RRM2: variants seen among roughly 807,000 people sequenced by gnomAD.
RRM2 encodes ribonucleotide reductase regulatory subunit M2.
Under a neutral mutation model 45.9 loss-of-function variants are expected in RRM2, and 6 were observed. The observed-to-expected ratio is 0.13, with a 90% CI of 0.07 to 0.26. The LOEUF is 0.26. Ranked by LOEUF, RRM2 falls within the 10% of genes least tolerant of loss-of-function variation. The pLI, the probability that RRM2 is intolerant of heterozygous loss-of-function variation, is 1.00. For synonymous variants in RRM2, 177 were observed against 173.0 expected (o/e 1.02, Z -0.18); for missense variants, 343 against 489.5 (o/e 0.70, Z 2.82).
At chr2:10,191,066 C>T (rs1572527717) in intron 3 of RRM2, among the ~76,000 whole-genome samples, 2 of 152,202 alleles carry the variant, frequency 1.3e-5, no homozygotes, top group African/African-American at 2.4e-5. Context: ...AAAGGCATGG[C>T]GAGATGAGCA....
At chr2:10,122,631 G>A (rs1253701628), upstream of RRM2, 1 of 1,539,422 alleles carries the variant, frequency 6.5e-7, no homozygotes, top group South Asian at 1.2e-5. Context: ...GGGAAGGGTC[G>A]GAGGCATGGC....
intron 5 of RRM2, chr2:10,126,622 C>T (rs1358604468): frequency 6.0e-6 from 3 of 502,750 alleles, no homozygotes; most frequent in Non-Finnish European, 1.1e-5. Flanking sequence ...GTCTGTAGAC[C>T]CTGAAGCTCA....
downstream of RRM2, among the ~76,000 whole-genome samples, chr2:10,134,250 A>G (rs1467174966): frequency 6.6e-6 from 1 of 152,018 alleles, no homozygotes; most frequent in Non-Finnish European, 1.5e-5. Context: ...GAACAAAGAA[A>G]GTGACCATGG....
Position 10,131,240 on chromosome 2 carries a change from C to T in RRM2, c.*1854C>T, listed in dbSNP as rs1295204849. On this transcript the variant is annotated 3_prime_UTR_variant, in exon 10 of 10. Coordinates refer to ENST00000304567, the MANE Select transcript of RRM2 (RefSeq NM_001034.4). ...TTTGTCTTGCATTGTGAGGTACAGGCGGAAGTTGGAATCAGGTTTTAGGAT... is the reference window on the plus strand; with the variant it reads ...TTTGTCTTGCATTGTGAGGTACAGGTGGAAGTTGGAATCAGGTTTTAGGAT... 2.0e-5 allele frequency: 3 copies of T among 152,074 alleles called. No individual in the cohort carries two copies. The highest frequency in any genetic ancestry group is 3.8e-4 in the East Asian group (2 of 5,196). The allele number at this position is 152,074 out of a possible 1,614,324, so 9.4% of individuals were successfully genotyped here.
chr2:10,174,880 A>AAG (rs1487918872), intron 3 of RRM2, among the ~76,000 whole-genome samples: 2 of 151,796 alleles, frequency 1.3e-5, no homozygotes, highest in Non-Finnish European at 2.9e-5. Flanking sequence ...TAAAAAAAAA[A>AAG]AAAGAAAAAA....
At position 10,205,042 on chromosome 2, in the gene RRM2, C is replaced by T. The variant is rs532313050; in HGVS notation, n.483-5269C>T. On this transcript the variant is annotated intron_variant and non_coding_transcript_variant, in intron 3 of 3. Transcript: ENST00000381786. This position sits in a 1 kb window ranked among gnomAD's most constrained non-coding sequence, Gnocchi z 4.8. ...ACAAGCAACCCCACGTGGTCTGCTT[C>T]GAATCCAGCAAACTTTTGTTTTCAG... 1.3e-5 allele frequency among the ~76,000 whole-genome samples: 2 copies of T among 152,322 alleles called. No homozygotes were observed. The highest frequency in any genetic ancestry group is 2.4e-5 in the African/African-American group (1 of 41,568).
chr2:10,142,442 T>C, intron 3 of RRM2: 1 of 1,345,392 alleles, frequency 7.4e-7, no homozygotes, highest in Non-Finnish European at 1.0e-6. Flanking sequence ...TTGCGGGGCC[T>C]GTCATCTGCT....
At chr2:10,201,097 C>T (rs191412505) in intron 3 of RRM2, among the ~76,000 whole-genome samples, 85 of 149,068 alleles carry the variant, frequency 5.7e-4, no homozygotes, top group African/African-American at 9.4e-4. Context: ...TGCAGTGAGC[C>T]GAGATTGCAC....
At chr2:10,148,104 A>G (rs1286793363) in intron 3 of RRM2, among the ~76,000 whole-genome samples, 2 of 145,866 alleles carry the variant, frequency 1.4e-5, no homozygotes, top group Non-Finnish European at 3.0e-5. Flanking sequence ...GGATCATGCC[A>G]CTGCACTCCA....
intron 3 of RRM2, among the ~76,000 whole-genome samples, chr2:10,181,312 G>A (rs1166118793): frequency 7.1e-6 from 1 of 140,670 alleles, no homozygotes; most frequent in Non-Finnish European, 1.5e-5. Flanking sequence ...CCTGCAGGAT[G>A]GTAGCAATTG....
intron 3 of RRM2, among the ~76,000 whole-genome samples, chr2:10,191,105 C>T (rs1453924800): frequency 1.3e-5 from 2 of 152,182 alleles, no homozygotes; most frequent in African/African-American, 4.8e-5. Context: ...TGGCATTGCC[C>T]TCTGAACTTT....
At position 10,185,606 on chromosome 2, in the gene RRM2, G is replaced by A. The variant is rs1664148255; in HGVS notation, n.483-24705G>A. On this transcript the variant is annotated intron_variant and non_coding_transcript_variant, in intron 3 of 3. Coordinates refer to the RRM2 transcript ENST00000381786. This position sits in a 1 kb window ranked among gnomAD's most constrained non-coding sequence, Gnocchi z 4.3. Reference sequence around the variant, plus strand: ...TAGCCATCGAATTCCATATGACTCTGTTCTCAAGTGTACTGGATACATTCT... The same window carrying A: ...TAGCCATCGAATTCCATATGACTCTATTCTCAAGTGTACTGGATACATTCT... Among the ~76,000 whole-genome samples the A allele has an allele frequency of 6.6e-6, 1 of 152,152 alleles. No homozygotes were observed. The highest frequency in any genetic ancestry group is 2.4e-5 in the African/African-American group (1 of 41,428).
chr2:10,186,252 A>T (rs899434938), intron 3 of RRM2, among the ~76,000 whole-genome samples: 2 of 151,782 alleles, frequency 1.3e-5, no homozygotes, highest in African/African-American at 4.8e-5. Flanking sequence ...TTCTGAGGCA[A>T]TTCTCCTGCC....
At chr2:10,210,458 T>C in exon 4 of RRM2, 4 of 1,367,806 alleles carry the variant, frequency 2.9e-6, no homozygotes, top group Non-Finnish European at 3.9e-6. Context: ...TGTTTCAGAA[T>C]GAAGTTATCT....
At chr2:10,192,554 G>A (rs1296622352) in intron 3 of RRM2, 2 of 154,662 alleles carry the variant, frequency 1.3e-5, no homozygotes. Context: ...GCAGTCTCAG[G>A]TAGCCCAAGC....
Position 10,127,361 on chromosome 2 carries a change from C to CAAA in RRM2, c.798+143_798+145dup. ...TGAGTTCAACCATACACATACTTGA[C>CAAA]AAAAGAAGGAAATACTTTCATTTAC... On this transcript the variant is annotated intron_variant, in intron 7 of 9. Coordinates refer to ENST00000304567, the MANE Select transcript of RRM2 (RefSeq NM_001034.4). This position sits in a 1 kb window ranked among gnomAD's most constrained non-coding sequence, Gnocchi z 4.1. 1.3e-6 allele frequency: 1 copy of CAAA among 777,420 alleles called. No homozygotes were observed. Among genetic ancestry groups the CAAA allele is most frequent in the Non-Finnish European group, 2.0e-6 (1 of 497,848 alleles). 48.2% of individuals were successfully genotyped at this position (777,420 alleles called of 1,614,324 possible).
rs62129881 is a variant in RRM2 at position 10,123,025 on chromosome 2, G to T, written c.142G>T (p.Ala48Ser). 5 of 1,566,926 alleles carry T rather than the reference G, an allele frequency of 3.2e-6. No homozygotes were observed. The highest frequency in any genetic ancestry group is 1.2e-5 in the South Asian group (1 of 86,812). ...GACCCGCGTCCTGGCCAGCAAGACC[G>T]CGAGGAGGATCTTCCAGGAGCCCAC... ...SGTRVLASKT[A>S]RRIFQEPTEP... The change falls in exon 2 of 10, where the codon GCG becomes TCG. Residue 48 changes from alanine (A) to serine (S), a missense_variant. By Grantham distance (99) the Ala-to-Ser change is moderately conservative (BLOSUM62 1). Coordinates refer to ENST00000304567, the MANE Select transcript of RRM2 (RefSeq NM_001034.4).
At chr2:10,179,080 T>G (rs1206764604) in intron 3 of RRM2, among the ~76,000 whole-genome samples, 1 of 152,162 alleles carries the variant, frequency 6.6e-6, no homozygotes, top group Non-Finnish European at 1.5e-5. Flanking sequence ...TGTGTACCGA[T>G]GATTTATTCT....
intron 3 of RRM2, among the ~76,000 whole-genome samples, chr2:10,164,025 T>C (rs961036598): frequency 4.6e-5 from 7 of 151,470 alleles, no homozygotes; most frequent in African/African-American, 1.7e-4. Context: ...TGTGTGTGTG[T>C]GCATGAGTGT....
Sources: allele counts gnomAD v4.1 joint callset (sites outside exome capture counted in the v4.1 genomes callset), GRCh38; gene constraint gnomAD v4.1.1; non-coding constraint Gnocchi (gnomAD v3.1); transcripts MANE v1.5; gene names NCBI Gene and HGNC (gene_info 2026-07-23, HGNC 2026-07-21).